Variants in SCOC observed in about 807,000 individuals in gnomAD.
SCOC encodes the protein short coiled-coil protein.
In SCOC, 7 loss-of-function variants were observed where a neutral mutation model predicts 9.9. The observed-to-expected ratio is 0.71, with a 90% CI of 0.40 to 1.33. The LOEUF is 1.33. SCOC is among the 40% of genes most tolerant of loss of function. The probability of loss-of-function intolerance (pLI) is 0.01; values close to 1 mark genes in which losing one functional copy is unlikely to be tolerated. For synonymous variants in SCOC, 19 were observed against 28.2 expected, an observed-to-expected ratio of 0.67 and a Z score of 1.03; for missense variants, 66 against 89.7, an observed-to-expected ratio of 0.74 and a Z score of 1.07.
chr4:140,373,377 A>T (rs1728146213), upstream of SCOC: 3 of 1,451,278 alleles, frequency 2.1e-6, no homozygotes, highest in East Asian at 7.5e-5. Flanking sequence ...CCGCTTCACC[A>T]GCGCCGCTTA....
At chr4:140,379,301 C>A in intron 2 of SCOC, 109 bp downstream of exon 2, 1 of 816,884 alleles carries the variant, frequency 1.2e-6, no homozygotes, top group Admixed American at 2.0e-5. Context: ...TTGATCTTGG[C>A]TAATTACTTA....
chr4:140,331,244 C>T (rs1375125600), intron 1 of SCOC, among the ~76,000 whole-genome samples: 2 of 152,204 alleles, frequency 1.3e-5, no homozygotes, highest in African/African-American at 4.8e-5. Flanking sequence ...AATGTTGACC[C>T]AGGTTCTTCC....
chr4:140,338,407 G>C (rs1298194729), intron 1 of SCOC, among the ~76,000 whole-genome samples: 4 of 152,192 alleles, frequency 2.6e-5, no homozygotes, highest in African/African-American at 4.8e-5. Context: ...GATGCCCTCT[G>C]TCACCATTGC....
At chr4:140,375,931 C>A (rs1308427947) in intron 1 of SCOC, among the ~76,000 whole-genome samples, 1 of 152,094 alleles carries the variant, frequency 6.6e-6, no homozygotes, top group South Asian at 2.1e-4. Flanking sequence ...TTCAGTGTTC[C>A]CACGCTTGAG....
rs1165710562 is a variant in SCOC at position 140,373,661 on chromosome 4, T to A, written c.-107T>A. ...AGCTGCCGGGGTCAGTTGGTCCAAG[T>A]GTCCCGGCCTGAGGTGTCGGCCGGA... On this transcript the variant is annotated 5_prime_UTR_variant, in exon 1 of 4. Coordinates refer to ENST00000608372, the MANE Select transcript of SCOC (RefSeq NM_001153484.2). 5 of 1,551,240 alleles carry A rather than the reference T, an allele frequency of 3.2e-6. No homozygotes were observed. The highest frequency in any genetic ancestry group is 4.4e-6 in the Non-Finnish European group (5 of 1,146,958).
chr4:140,262,307 C>A (rs1241205090), intron 1 of SCOC, among the ~76,000 whole-genome samples: 1 of 152,092 alleles, frequency 6.6e-6, no homozygotes, highest in Non-Finnish European at 1.5e-5. Context: ...TTTATGGGCA[C>A]CTTTGTTTGC....
intron 2 of SCOC, among the ~76,000 whole-genome samples, chr4:140,351,705 A>G (rs747459385): frequency 6.6e-6 from 1 of 151,900 alleles, no homozygotes; most frequent in Non-Finnish European, 1.5e-5. Context: ...TCAGAAGGCC[A>G]TCTGCCGTCC....
At chr4:140,282,023 T>C (rs762860971) in intron 1 of SCOC, among the ~76,000 whole-genome samples, 2 of 152,210 alleles carry the variant, frequency 1.3e-5, no homozygotes, top group Non-Finnish European at 2.9e-5. Flanking sequence ...TGCCCCCTTA[T>C]GATGTTTCAG....
At chr4:140,262,483 A>G (rs1730653167) in intron 1 of SCOC, among the ~76,000 whole-genome samples, 2 of 152,160 alleles carry the variant, frequency 1.3e-5, no homozygotes, top group South Asian at 4.1e-4. Context: ...ACACTGCCCT[A>G]CAGTCCTTTT....
At chr4:140,259,847 C>T (rs1464640531) in intron 1 of SCOC, among the ~76,000 whole-genome samples, 2 of 152,236 alleles carry the variant, frequency 1.3e-5, no homozygotes. Context: ...TCAATTTACT[C>T]ATCTATTTCC....
intron 1 of SCOC, among the ~76,000 whole-genome samples, chr4:140,272,243 C>T (rs979372661): frequency 6.7e-6 from 1 of 148,600 alleles, no homozygotes; most frequent in Non-Finnish European, 1.5e-5. Flanking sequence ...TTTTTATAGA[C>T]CAGGTCTTAC....
chr4:140,332,242 G>T (rs2874445), intron 1 of SCOC, among the ~76,000 whole-genome samples: 29,956 of 151,740 alleles, frequency 0.2, 3,858 homozygotes, highest in African/African-American at 0.36. Flanking sequence ...CATCTCATAC[G>T]AGACATGCCT....
At chr4:140,312,202 G>T (rs1253731938) in intron 1 of SCOC, among the ~76,000 whole-genome samples, 3 of 152,084 alleles carry the variant, frequency 2.0e-5, no homozygotes, top group Non-Finnish European at 4.4e-5. Flanking sequence ...CTTGACATGG[G>T]CCCCTCAGTG....
chr4:140,314,628 A>G (rs1431914215), intron 1 of SCOC: 1 of 152,224 alleles, frequency 6.6e-6, no homozygotes. Context: ...ATTCTCATGA[A>G]TTCTTATGGA....
intron 1 of SCOC, among the ~76,000 whole-genome samples, chr4:140,298,850 C>T (rs1477809999): frequency 6.6e-6 from 1 of 152,212 alleles, no homozygotes; most frequent in Non-Finnish European, 1.5e-5. Flanking sequence ...GGGCTTTACT[C>T]TGTCACCCAG....
chr4:140,262,633 A>G (rs149753074), intron 1 of SCOC, among the ~76,000 whole-genome samples: 26 of 152,294 alleles, frequency 1.7e-4, no homozygotes, highest in Non-Finnish European at 3.1e-4. Context: ...GAGAGAACGT[A>G]TTAGTCGGTT....
In SCOC at chr4:140,258,812, T is replaced by C. The variant is rs147629834; in HGVS notation, c.-19+1402T>C. Among the ~76,000 whole-genome samples, 429 of 152,326 alleles carry C rather than the reference T, an allele frequency of 2.8e-3. 10 individuals carry two copies. The highest frequency in any genetic ancestry group is 0.025 in the Admixed American group (386 of 15,306). ...TTCCATTTTTTGAAATGATGGCGTA[T>C]CATATGTGCTGACATTTCTTCCTTA... is the stretch of plus-strand genomic sequence containing the variant. On this transcript the variant is annotated intron_variant, in intron 1 of 4. Coordinates refer to the SCOC transcript ENST00000394205.
chr4:140,366,828 A>C, intron 2 of SCOC: 2 of 920,190 alleles, frequency 2.2e-6, no homozygotes, highest in Non-Finnish European at 3.6e-6. Context: ...TGTAGCCCAC[A>C]CGGCCAACCT....
chr4:140,328,835 C>T (rs1732727363), intron 1 of SCOC, among the ~76,000 whole-genome samples: 1 of 152,140 alleles, frequency 6.6e-6, no homozygotes, highest in South Asian at 2.1e-4. Context: ...CTACTGCTCC[C>T]AAAAATGTCC....
Sources: allele counts gnomAD v4.1 joint callset (sites outside exome capture counted in the v4.1 genomes callset), GRCh38; gene constraint gnomAD v4.1.1; transcripts MANE v1.5; gene names NCBI Gene and HGNC (gene_info 2026-07-23, HGNC 2026-07-21).